Variants in SYT10 observed in about 807,000 individuals in gnomAD.
SYT10 encodes synaptotagmin-10.
Under a neutral mutation model 51.1 loss-of-function variants are expected in SYT10, and 31 were observed. The ratio of observed to expected loss-of-function variants is 0.61; its 90% CI spans 0.46 to 0.82. The LOEUF (loss-of-function observed/expected upper bound fraction) is 0.82, where lower values mean the gene tolerates loss of function less well. SYT10 is among the 40% of genes least tolerant of loss of function. The pLI is 0.00. For synonymous variants in SYT10, 233 were observed against 225.9 expected (o/e 1.03, Z -0.28); for missense variants, 603 against 634.0 (o/e 0.95, Z 0.53).
At chr12:33,383,535 G>C (rs150464339) in intron 4 of SYT10, among the ~76,000 whole-genome samples, 1 of 152,142 alleles carries the variant, frequency 6.6e-6, no homozygotes, top group African/African-American at 2.4e-5. Context: ...AAGATAACAG[G>C]GTCATGTTAA....
intron 2 of SYT10, among the ~76,000 whole-genome samples, chr12:33,412,787 C>A (rs1866418988): frequency 6.6e-6 from 1 of 152,106 alleles, no homozygotes; most frequent in Admixed American, 6.6e-5. Flanking sequence ...CTCTCCCGCT[C>A]CAAAGGAATG....
Position 33,406,872 on chromosome 12 carries a change from C to G in SYT10, c.994G>C (p.Glu332Gln). ...DRFSRHDMIG[E>Q]VILDNLFEVS... ...TCAAACAAATTATCAAGAATCACTTCCCCAATCATGTCATGTCTAGAAAAT... is the reference window on the plus strand; with the variant it reads ...TCAAACAAATTATCAAGAATCACTTGCCCAATCATGTCATGTCTAGAAAAT... The change falls in exon 3 of 7, where the codon GAA (glutamate) becomes CAA (glutamine). Residue 332 changes from glutamate (E) to glutamine (Q), a missense_variant. Coordinates refer to ENST00000228567, the MANE Select transcript of SYT10 (RefSeq NM_198992.4). 6.2e-7 allele frequency: 1 copy of G among 1,614,070 alleles called. No individual in the cohort carries two copies. Among genetic ancestry groups the G allele is most frequent in the Non-Finnish European group, 8.5e-7 (1 of 1,180,022 alleles).
chr12:33,399,265 C>T (rs982413438), intron 3 of SYT10, among the ~76,000 whole-genome samples: 3 of 152,136 alleles, frequency 2.0e-5, no homozygotes, highest in South Asian at 2.1e-4. Flanking sequence ...AAGCACATAT[C>T]GTACTGTGCT....
chr12:33,417,086 G>A (rs12422655), intron 2 of SYT10, among the ~76,000 whole-genome samples: 1 of 152,006 alleles, frequency 6.6e-6, no homozygotes, highest in Non-Finnish European at 1.5e-5. Context: ...AGAGGAAGAA[G>A]GTGATAGAAG....
At chr12:33,410,944 T>C (rs1180164478) in intron 2 of SYT10, among the ~76,000 whole-genome samples, 1 of 152,244 alleles carries the variant, frequency 6.6e-6, no homozygotes, top group Non-Finnish European at 1.5e-5. Context: ...ACTTACGATG[T>C]TGCAGGTATG....
chr12:33,401,153 T>G (rs1204699727), intron 3 of SYT10, among the ~76,000 whole-genome samples: 1 of 152,220 alleles, frequency 6.6e-6, no homozygotes, highest in Non-Finnish European at 1.5e-5. Context: ...CTATAGTCAT[T>G]CATCCAGTTT....
intron 3 of SYT10, among the ~76,000 whole-genome samples, chr12:33,397,594 G>C (rs1475734173): frequency 6.6e-6 from 1 of 152,080 alleles, no homozygotes; most frequent in Non-Finnish European, 1.5e-5. Flanking sequence ...ACAGGGTAGA[G>C]AACAGCACTC....
At chr12:33,423,540 T>C (rs746859325) in intron 2 of SYT10, among the ~76,000 whole-genome samples, 3 of 152,148 alleles carry the variant, frequency 2.0e-5, no homozygotes, top group Non-Finnish European at 4.4e-5. Context: ...TTAATGTAGA[T>C]AAGGGTTTTG....
intron 6 of SYT10, 99 bp downstream of exon 6, chr12:33,379,733 G>A: frequency 1.4e-6 from 2 of 1,437,820 alleles, no homozygotes; most frequent in Non-Finnish European, 1.9e-6. Context: ...TTTTTAACAA[G>A]GGTGAATACA....
chr12:33,430,717 C>A (rs1189415737), intron 1 of SYT10, among the ~76,000 whole-genome samples: 1 of 151,888 alleles, frequency 6.6e-6, no homozygotes, highest in African/African-American at 2.4e-5. Flanking sequence ...TATTCCAAGC[C>A]CTTTGTTTCT....
chr12:33,407,479 A>G, intron 2 of SYT10, 123 bp from the exon 3 acceptor site: 1 of 959,212 alleles, frequency 1.0e-6, no homozygotes. Flanking sequence ...ATCTACATAG[A>G]TAGACACATA....
At chr12:33,404,290 C>T (rs930264593) in intron 3 of SYT10, among the ~76,000 whole-genome samples, 1 of 152,060 alleles carries the variant, frequency 6.6e-6, no homozygotes, top group African/African-American at 2.4e-5. Context: ...CAGGAAAATC[C>T]AAGAAAATGG....
At chr12:33,414,791 C>T (rs1426416455) in intron 2 of SYT10, among the ~76,000 whole-genome samples, 2 of 152,154 alleles carry the variant, frequency 1.3e-5, no homozygotes, top group Non-Finnish European at 2.9e-5. Flanking sequence ...ACTGTCCAAG[C>T]ACTCTACCAG....
At chr12:33,416,781 A>C (rs1426396550) in intron 2 of SYT10, among the ~76,000 whole-genome samples, 1 of 152,192 alleles carries the variant, frequency 6.6e-6, no homozygotes, top group East Asian at 1.9e-4. Flanking sequence ...AAATAATGGC[A>C]TGCTCTTGTG....
At chr12:33,402,852 T>A (rs1323025398) in intron 3 of SYT10, among the ~76,000 whole-genome samples, 1 of 152,128 alleles carries the variant, frequency 6.6e-6, no homozygotes, top group African/African-American at 2.4e-5. Context: ...CAAAAGCCGC[T>A]GGTCTGATTT....
chr12:33,397,596 A>G (rs1232864352), intron 3 of SYT10, among the ~76,000 whole-genome samples: 3 of 152,124 alleles, frequency 2.0e-5, no homozygotes, highest in African/African-American at 7.2e-5. Flanking sequence ...AGGGTAGAGA[A>G]CAGCACTCAC....
chr12:33,414,303 G>A (rs191494200), intron 2 of SYT10, among the ~76,000 whole-genome samples: 18 of 152,254 alleles, frequency 1.2e-4, no homozygotes, highest in African/African-American at 4.3e-4. Context: ...AGGATATCCA[G>A]GAATTGAACT....
At chr12:33,426,853 A>T (rs544327547) in intron 1 of SYT10, among the ~76,000 whole-genome samples, 6 of 152,296 alleles carry the variant, frequency 3.9e-5, no homozygotes, top group African/African-American at 1.4e-4. Context: ...CACAATAGGA[A>T]ACTCTTGTTT....
chr12:33,412,405 T>A (rs1429198286), intron 2 of SYT10, among the ~76,000 whole-genome samples: 1 of 151,536 alleles, frequency 6.6e-6, no homozygotes, highest in Non-Finnish European at 1.5e-5. Context: ...TTTTTTCTTC[T>A]GGCTTTTTTT....
Sources: gnomAD v4.1 joint callset for allele counts (sites outside exome capture counted in the v4.1 genomes callset) on GRCh38, gnomAD v4.1.1 for gene constraint, MANE v1.5 for transcripts, NCBI Gene and HGNC (gene_info 2026-07-23, HGNC 2026-07-21) for gene names.